Variants in ZNF638 observed in about 807,000 individuals in gnomAD.
ZNF638 encodes CTCL tumor antigen se33-1.
A neutral mutation model predicts 195.6 loss-of-function variants in ZNF638; 46 were observed. The observed-to-expected ratio is 0.24, with a 90% CI of 0.19 to 0.30. ZNF638 has a LOEUF of 0.30. ZNF638 is among the 10% of genes least tolerant of loss of function. The probability of loss-of-function intolerance (pLI) is 1.00; values close to 1 mark genes in which losing one functional copy is unlikely to be tolerated. For missense variants in ZNF638, 2,440 were observed against 2,325.3 expected, an observed-to-expected ratio of 1.05 and a Z score of -1.01; for synonymous variants, 845 against 772.0, an observed-to-expected ratio of 1.09 and a Z score of -1.57.
At chr2:71,382,559 C>T (rs150252941) in intron 10 of ZNF638, among the ~76,000 whole-genome samples, 61 of 152,172 alleles carry the variant, frequency 4.0e-4, no homozygotes, top group African/African-American at 1.1e-3. Context: ...TGGAAACATT[C>T]GAGCTCTTAC....
chr2:71,377,053 G>A (rs1040861557), intron 8 of ZNF638, among the ~76,000 whole-genome samples: 1 of 152,100 alleles, frequency 6.6e-6, no homozygotes, highest in East Asian at 1.9e-4. Context: ...CAGGATGATT[G>A]CTTGAGCCCA....
intron 21 of ZNF638, among the ~76,000 whole-genome samples, chr2:71,419,230 G>A (rs1293521994): frequency 6.6e-6 from 1 of 152,098 alleles, no homozygotes; most frequent in Non-Finnish European, 1.5e-5. Context: ...TCATTCTGAT[G>A]GATATCCTCC....
chr2:71,366,613 T>C (rs2079204723), intron 6 of ZNF638, among the ~76,000 whole-genome samples: 1 of 152,226 alleles, frequency 6.6e-6, no homozygotes, highest in Admixed American at 6.5e-5. Context: ...GTGATGAGTT[T>C]TGCTCTCTAA....
At chr2:71,363,858 AAC>A in intron 4 of ZNF638, 94 bp from the exon 5 acceptor site, 3 of 1,402,744 alleles carry the variant, frequency 2.1e-6, no homozygotes, top group Non-Finnish European at 9.5e-7. Context: ...TGGTATTGTT[AAC>A]AGTCTGTTTT....
chr2:71,342,967 T>TA (rs946131833), intron 1 of ZNF638, among the ~76,000 whole-genome samples: 20 of 152,222 alleles, frequency 1.3e-4, no homozygotes, highest in Admixed American at 4.6e-4. Context: ...ACAACTGTCT[T>TA]ACAGTATTTT....
rs140440280 is a variant in ZNF638, at chr2:71,381,243, C to T, written c.2377+678C>T. Reference sequence around the variant, plus strand: ...GAGACAAATTTAGGAACTTACATTGCGTTTTGTATGTTCTGTTTGGGGAAG... The same window carrying T: ...GAGACAAATTTAGGAACTTACATTGTGTTTTGTATGTTCTGTTTGGGGAAG... On this transcript the variant is annotated intron_variant, in intron 10 of 27. Coordinates refer to ENST00000264447, the MANE Select transcript of ZNF638 (RefSeq NM_014497.5). 2.0e-3 allele frequency among the ~76,000 whole-genome samples: 310 copies of T among 151,988 alleles called. 2 individuals are homozygous for T. Among genetic ancestry groups the T allele is most frequent in the African/African-American group, 7.0e-3 (291 of 41,486 alleles).
intron 4 of ZNF638, among the ~76,000 whole-genome samples, 166 bp from the exon 5 acceptor site, chr2:71,363,787 AG>A (rs2079149212): frequency 6.6e-6 from 1 of 152,246 alleles, no homozygotes; most frequent in Non-Finnish European, 1.5e-5. Context: ...TTTACGTATA[AG>A]GCTGAATTAC....
rs1392810927 is a variant in ZNF638, at chr2:71,424,061, C to A, written c.4524+23C>A. 3.7e-6 allele frequency: 6 copies of A among 1,601,838 alleles called. No homozygotes were observed. In the South Asian group the frequency reaches 6.7e-5, roughly 18 times the overall value. ...AAGGTGAGGAGGGTAGGAAGAATGG[C>A]ACAGTGTGTCTTTGAAGTGATTAGC... On this transcript the variant is annotated intron_variant, in intron 22 of 27. Transcript: ENST00000264447.
At chr2:71,345,448 C>A (rs2078834534) in intron 1 of ZNF638, among the ~76,000 whole-genome samples, 1 of 152,132 alleles carries the variant, frequency 6.6e-6, no homozygotes, top group Non-Finnish European at 1.5e-5. Context: ...GGCTGGAGTA[C>A]AGTGGTGGAA....
Position 71,388,475 on chromosome 2 carries a change from C to T in ZNF638, c.2378-7666C>T, listed in dbSNP as rs1424477402. On this transcript the variant is annotated intron_variant, in intron 10 of 27. Transcript: ENST00000264447. ...GATTGTGTTGGCTCCAGGCCTTTGT[C>T]ATTAAATCTGTACTAAATAAATACA... 4.3e-6 allele frequency: 3 copies of T among 693,744 alleles called. No individual in the cohort carries two copies. In the East Asian group the frequency reaches 8.2e-5, roughly 19 times the overall value. The allele number at this position is 693,744 out of a possible 1,614,324, so 43.0% of individuals were successfully genotyped here.
At chr2:71,371,978 C>A (rs1042860115) in intron 8 of ZNF638, among the ~76,000 whole-genome samples, 2 of 152,034 alleles carry the variant, frequency 1.3e-5, no homozygotes, top group Non-Finnish European at 2.9e-5. Context: ...GAAATATTTG[C>A]CCAGACTGAT....
chr2:71,432,107 C>CATA (rs766649092), intron 26 of ZNF638, among the ~76,000 whole-genome samples: 15 of 152,200 alleles, frequency 9.9e-5, no homozygotes, highest in Non-Finnish European at 1.9e-4. Context: ...TGAGGGAGAC[C>CATA]TTATTCAGCC....
In ZNF638 at chr2:71,347,493, C is replaced by T. The variant is rs184009945; in HGVS notation, c.-202-1260C>T. 3.7e-3 allele frequency among the ~76,000 whole-genome samples: 557 copies of T among 152,254 alleles called. 1 individual carries two copies. Among genetic ancestry groups the T allele is most frequent in the Admixed American group, 7.7e-3 (118 of 15,294 alleles). On this transcript the variant is annotated intron_variant, in intron 1 of 27. Transcript: ENST00000264447. Reference sequence around the variant, plus strand: ...GTAACGGATGAAATTGTGGCTTGAACCAGACAGTGATGGTTAGCAAATAGG... The same window carrying T: ...GTAACGGATGAAATTGTGGCTTGAATCAGACAGTGATGGTTAGCAAATAGG...
chr2:71,345,584 G>A (rs757512217), intron 1 of ZNF638, among the ~76,000 whole-genome samples: 4 of 152,108 alleles, frequency 2.6e-5, no homozygotes, highest in Non-Finnish European at 4.4e-5. Context: ...GTCTCACCAT[G>A]TTGCCCAGGC....
intron 20 of ZNF638, among the ~76,000 whole-genome samples, chr2:71,417,368 C>A (rs2080320708): frequency 6.6e-6 from 1 of 150,966 alleles, no homozygotes; most frequent in Admixed American, 6.6e-5. Flanking sequence ...TGACCTGCGC[C>A]CACTGTCTGG....
chr2:71,424,734 A>AC lies in ZNF638; in HGVS notation c.4590+22dup. 6.3e-7 allele frequency: 1 copy of AC among 1,587,570 alleles called. No individual in the cohort carries two copies. Among genetic ancestry groups the AC allele is most frequent in the Non-Finnish European group, 8.6e-7 (1 of 1,161,464 alleles). ...TAAAGAGGTAAAAAATAGATCACAGACCCTAACCCTTCTTTTTCATCTCCA... is the reference window on the plus strand; with the variant it reads ...TAAAGAGGTAAAAAATAGATCACAGACCCCTAACCCTTCTTTTTCATCTCCA... On this transcript the variant is annotated intron_variant, in intron 23 of 27. Coordinates refer to ENST00000264447, the MANE Select transcript of ZNF638 (RefSeq NM_014497.5).
chr2:71,433,674 C>T (rs10173072), intron 27 of ZNF638: 80,913 of 156,476 alleles, frequency 0.52, 22,516 homozygotes, highest in African/African-American at 0.73. Context: ...AAAACCTTTT[C>T]TAAATTGTAC....
intron 5 of ZNF638, 106 bp from the exon 6 acceptor site, chr2:71,365,323 G>A (rs546825934): frequency 4.4e-6 from 4 of 905,390 alleles, no homozygotes; most frequent in African/African-American, 1.7e-5. Flanking sequence ...TGTATTGTCT[G>A]TGTGCTCCCT....
chr2:71,333,116 A>G (rs1379456500), intron 1 of ZNF638: 1 of 152,236 alleles, frequency 6.6e-6, no homozygotes, highest in Non-Finnish European at 1.5e-5. Context: ...ACAAACATGT[A>G]AATGACATTC....
Sources: allele counts gnomAD v4.1 joint callset (sites outside exome capture counted in the v4.1 genomes callset), GRCh38; gene constraint gnomAD v4.1.1; transcripts MANE v1.5; gene names NCBI Gene and HGNC (gene_info 2026-07-23, HGNC 2026-07-21).